SUGCT: variants seen among roughly 807,000 people sequenced by gnomAD.
SUGCT encodes the protein succinyl-CoA:glutarate CoA-transferase.
A neutral mutation model predicts 55.0 loss-of-function variants in SUGCT; 41 were observed. That is an observed-to-expected ratio of 0.74 (90% CI 0.58 to 0.97). The LOEUF is 0.97. SUGCT is among the 50% of genes least tolerant of loss of function. SUGCT has a pLI of 0.00. For synonymous variants in SUGCT, 187 were observed against 200.4 expected, an observed-to-expected ratio of 0.93 and a Z score of 0.56; for missense variants, 568 against 547.8, an observed-to-expected ratio of 1.04 and a Z score of -0.37.
At chr7:40,402,251 C>T (rs1346385426) in intron 9 of SUGCT, among the ~76,000 whole-genome samples, 1 of 151,960 alleles carries the variant, frequency 6.6e-6, no homozygotes, top group Non-Finnish European at 1.5e-5. Context: ...AATTCTGTCC[C>T]CGTCTTTCTT....
rs1562612016 is a variant in SUGCT at position 40,249,319 on chromosome 7, A to ATCTATATATATATATCTATATC, written c.576+11594_576+11595insCTATATATATATATCTATATCT. On this transcript the variant is annotated intron_variant, in intron 7 of 13. Transcript: ENST00000335693. ...AACAAAAAACACCAAAAAGCTATAT[A>ATCTATATATATATATCTATATC]TATATATATATATATATATATATAT... Among the ~76,000 whole-genome samples the ATCTATATATATATATCTATATC allele has an allele frequency of 3.0e-3, 118 of 39,764 alleles. 3 individuals are homozygous for ATCTATATATATATATCTATATC. Among genetic ancestry groups the ATCTATATATATATATCTATATC allele is most frequent in the Non-Finnish European group, 6.1e-3 (95 of 15,654 alleles). The allele number at this position is 39,764 out of a possible 152,430, so 26.1% of individuals were successfully genotyped here. A position where few individuals can be genotyped will look rare whatever the true frequency, so the allele number is the denominator to read the frequency against.
At chr7:40,949,172 T>C in the SUGCT span, among the ~76,000 whole-genome samples, 2 of 152,226 alleles carry the variant, frequency 1.3e-5, no homozygotes, top group Admixed American at 6.5e-5. Context: ...TGGTATCTCA[T>C]TGTGGTTTTG....
chr7:40,878,690 C>T, the SUGCT span, among the ~76,000 whole-genome samples: 4 of 152,030 alleles, frequency 2.6e-5, no homozygotes, highest in African/African-American at 7.2e-5. Flanking sequence ...GTAAAGTTCT[C>T]GGCTTTATGC....
chr7:40,594,337 T>TAA lies in SUGCT; in HGVS notation c.1089+97963_1089+97964dup, dbSNP rs1229884904. Reference sequence around the variant, plus strand: ...ACTTAAAGTATAAAAAAAAAAAAAGTAAAAAAAAAAAAATATGATGTAAAA... The same window carrying TAA: ...ACTTAAAGTATAAAAAAAAAAAAAGTAAAAAAAAAAAAAAATATGATGTAAAA... On this transcript the variant is annotated intron_variant, in intron 12 of 13. Transcript: ENST00000335693. Among the ~76,000 whole-genome samples the TAA allele has an allele frequency of 7.4e-5, 10 of 135,996 alleles. No homozygotes were observed. The East Asian group carries it at 2.1e-3, about 29-fold the overall frequency. 89.2% of individuals were successfully genotyped at this position (135,996 alleles called of 152,430 possible).
the SUGCT span, among the ~76,000 whole-genome samples, chr7:41,018,481 C>T: frequency 1.3e-5 from 2 of 152,202 alleles, no homozygotes; most frequent in Non-Finnish European, 2.9e-5. Flanking sequence ...TGAACTTCAC[C>T]TGCAGAAGAT....
chr7:40,652,139 T>C (rs1218186064), intron 12 of SUGCT, among the ~76,000 whole-genome samples: 2 of 152,188 alleles, frequency 1.3e-5, no homozygotes, highest in Non-Finnish European at 2.9e-5. Context: ...TTTGGGCAAA[T>C]CATTTTCTCC....
chr7:40,140,755 CT>C (rs1287375671), intron 1 of SUGCT, among the ~76,000 whole-genome samples: 1 of 152,080 alleles, frequency 6.6e-6, no homozygotes, highest in Non-Finnish European at 1.5e-5. Context: ...CTACTATAGC[CT>C]TGTAGTATAT....
intron 12 of SUGCT, among the ~76,000 whole-genome samples, chr7:40,556,947 C>T (rs959186114): frequency 6.6e-6 from 1 of 152,118 alleles, no homozygotes; most frequent in Admixed American, 6.5e-5. Context: ...AAGGCGATCT[C>T]CAGATTTAAT....
chr7:40,286,129 T>C (rs933329389), intron 8 of SUGCT, among the ~76,000 whole-genome samples: 6 of 152,150 alleles, frequency 3.9e-5, no homozygotes, highest in Non-Finnish European at 4.4e-5. Flanking sequence ...TGCCAGAGTA[T>C]ACAATGAATG....
At chr7:40,564,233 G>A (rs1796002589) in intron 12 of SUGCT, among the ~76,000 whole-genome samples, 2 of 152,084 alleles carry the variant, frequency 1.3e-5, no homozygotes, top group Admixed American at 6.5e-5. Context: ...AAAATTAGCC[G>A]GGTGTGGTAG....
intron 13 of SUGCT, among the ~76,000 whole-genome samples, chr7:40,802,079 G>A (rs1364315394): frequency 6.6e-6 from 1 of 151,602 alleles, no homozygotes. Flanking sequence ...TGGAAACAGT[G>A]ACTTGAAATG....
At chr7:40,275,382 AG>A in intron 8 of SUGCT, among the ~76,000 whole-genome samples, 1 of 152,342 alleles carries the variant, frequency 6.6e-6, no homozygotes, top group Non-Finnish European at 1.5e-5. Flanking sequence ...AGGATTACAA[AG>A]GAAGCTGGTT....
chr7:40,159,830 A>T lies in SUGCT; in HGVS notation c.101-21117A>T, dbSNP rs1209601474. Reference sequence around the variant, plus strand: ...GGTAAACACCTACCTTTCTTCTGGGAGGGAGTCTGGAATTGTGCTACATGG... The same window carrying T: ...GGTAAACACCTACCTTTCTTCTGGGTGGGAGTCTGGAATTGTGCTACATGG... On this transcript the variant is annotated intron_variant, in intron 1 of 13. Coordinates refer to ENST00000335693, the MANE Select transcript of SUGCT (RefSeq NM_001193313.2). Among the ~76,000 whole-genome samples the T allele has an allele frequency of 2.0e-5, 3 of 152,116 alleles. No homozygotes were observed. In the East Asian group the frequency reaches 5.8e-4, roughly 29 times the overall value.
chr7:40,495,548 C>G (rs1791927853), intron 11 of SUGCT, among the ~76,000 whole-genome samples: 1 of 152,112 alleles, frequency 6.6e-6, no homozygotes, highest in African/African-American at 2.4e-5. Flanking sequence ...GATTTTATTT[C>G]TGTGTTCACT....
chr7:40,492,236 T>C (rs552991442), intron 11 of SUGCT, among the ~76,000 whole-genome samples: 4 of 152,002 alleles, frequency 2.6e-5, no homozygotes, highest in African/African-American at 4.8e-5. Flanking sequence ...AAAACAGATA[T>C]ATAAGAGTAA....
chr7:40,309,840 A>G (rs2151095312), intron 8 of SUGCT, among the ~76,000 whole-genome samples: 1 of 151,888 alleles, frequency 6.6e-6, no homozygotes, highest in Non-Finnish European at 1.5e-5. Context: ...CAAAACTGGA[A>G]TAATTTGATC....
At chr7:40,521,527 C>T (rs1223823100) in intron 12 of SUGCT, among the ~76,000 whole-genome samples, 1 of 152,042 alleles carries the variant, frequency 6.6e-6, no homozygotes, top group Non-Finnish European at 1.5e-5. Context: ...GAAGTCTTGG[C>T]TGATGTTAGG....
the SUGCT span, among the ~76,000 whole-genome samples, chr7:40,876,842 C>T: frequency 3.3e-5 from 5 of 152,166 alleles, no homozygotes; most frequent in Non-Finnish European, 7.4e-5. Flanking sequence ...CTGCTGTGAA[C>T]AGACACTGGT....
intron 13 of SUGCT, among the ~76,000 whole-genome samples, chr7:40,749,968 A>G (rs1296878300): frequency 6.6e-6 from 1 of 150,456 alleles, no homozygotes; most frequent in East Asian, 2.0e-4. Context: ...GCTTTACAGA[A>G]CAAGAAACTA....
Sources: gnomAD v4.1 joint callset for allele counts (sites outside exome capture counted in the v4.1 genomes callset) on GRCh38, gnomAD v4.1.1 for gene constraint, MANE v1.5 for transcripts, NCBI Gene and HGNC (gene_info 2026-07-23, HGNC 2026-07-21) for gene names.